Variants in PTPRR observed in about 807,000 individuals in gnomAD.
PTPRR encodes the protein receptor-type tyrosine-protein phosphatase R.
Under a neutral mutation model 77.2 loss-of-function variants are expected in PTPRR, and 38 were observed. The observed-to-expected ratio is 0.49, with a 90% CI of 0.38 to 0.65. The LOEUF is 0.65. PTPRR is among the 30% of genes least tolerant of loss of function. The pLI, the probability that PTPRR is intolerant of heterozygous loss-of-function variation, is 0.00. For synonymous variants in PTPRR, 299 were observed against 283.1 expected, an observed-to-expected ratio of 1.06 and a Z score of -0.57; for missense variants, 744 against 799.2, an observed-to-expected ratio of 0.93 and a Z score of 0.83.
intron 2 of PTPRR, among the ~76,000 whole-genome samples, chr12:70,768,269 A>T (rs1890877986): frequency 6.6e-6 from 1 of 152,224 alleles, no homozygotes; most frequent in Admixed American, 6.5e-5. Flanking sequence ...GACTGCTAGC[A>T]AGACTAATAA....
intron 2 of PTPRR, among the ~76,000 whole-genome samples, chr12:70,768,982 A>G (rs1051590096): frequency 6.6e-6 from 1 of 150,668 alleles, no homozygotes; most frequent in African/African-American, 2.5e-5. Flanking sequence ...AAAACTCTCA[A>G]TGAATTAGGT....
At chr12:70,711,391 A>C (rs532266471) in intron 6 of PTPRR, among the ~76,000 whole-genome samples, 1 of 152,164 alleles carries the variant, frequency 6.6e-6, no homozygotes, top group African/African-American at 2.4e-5. Context: ...AGCCTATTGG[A>C]GGGTAGAGAG....
intron 2 of PTPRR, among the ~76,000 whole-genome samples, chr12:70,828,205 T>C (rs1785285964): frequency 6.6e-6 from 1 of 152,212 alleles, no homozygotes; most frequent in Admixed American, 6.5e-5. Context: ...TTGTCCCCTT[T>C]AGTAGTTAAA....
chr12:70,680,442 T>C (rs55864119), intron 10 of PTPRR, among the ~76,000 whole-genome samples: 2,530 of 152,314 alleles, frequency 0.017, 70 homozygotes, highest in African/African-American at 0.057. Flanking sequence ...GTAGGGTACA[T>C]TGGCTTTTGC....
At chr12:70,720,066 GAA>G (rs1456091495) in intron 6 of PTPRR, among the ~76,000 whole-genome samples, 5 of 152,232 alleles carry the variant, frequency 3.3e-5, no homozygotes, top group African/African-American at 1.2e-4. Flanking sequence ...GTGTTAGGCT[GAA>G]GAGATTATTT....
At chr12:70,920,250 G>A in intron 1 of PTPRR, 83 bp downstream of exon 1, 1 of 1,448,238 alleles carries the variant, frequency 6.9e-7, no homozygotes, top group Non-Finnish European at 9.6e-7. Flanking sequence ...TTCTTCGCAA[G>A]GCAAGCTTTT....
chr12:70,765,360 C>T (rs1416987230), intron 2 of PTPRR, among the ~76,000 whole-genome samples: 1 of 152,206 alleles, frequency 6.6e-6, no homozygotes, highest in South Asian at 2.1e-4. Context: ...GAGATTATAT[C>T]CCTCACCTGG....
chr12:70,680,340 A>C (rs1887608824), intron 10 of PTPRR, among the ~76,000 whole-genome samples: 1 of 152,136 alleles, frequency 6.6e-6, no homozygotes, highest in Non-Finnish European at 1.5e-5. Context: ...ATATTTGTGC[A>C]TCTGATGGAA....
intron 1 of PTPRR, among the ~76,000 whole-genome samples, chr12:70,894,194 C>T (rs894945977): frequency 6.6e-6 from 1 of 151,780 alleles, no homozygotes; most frequent in Admixed American, 6.6e-5. Context: ...TCTCCAATCT[C>T]CTACTATTTT....
At chr12:70,709,076 T>C (rs1888725545) in intron 6 of PTPRR, among the ~76,000 whole-genome samples, 1 of 152,048 alleles carries the variant, frequency 6.6e-6, no homozygotes. Context: ...TAATCCTCAA[T>C]AAAATACTGG....
At position 70,794,591 on chromosome 12, in the gene PTPRR, C is replaced by T. The variant is rs536721375; in HGVS notation, c.358-29813G>A. 3.3e-5 allele frequency among the ~76,000 whole-genome samples: 5 copies of T among 152,294 alleles called. No individual in the cohort carries two copies. In the South Asian group the frequency reaches 1.0e-3, roughly 32 times the overall value. ...CAAATATATAACTAACGAACACACA[C>T]AAATGGAGGAAAAGACACGAGAGAA... is the stretch of plus-strand genomic sequence containing the variant. On this transcript the variant is annotated intron_variant, in intron 2 of 13. Coordinates refer to ENST00000283228, the MANE Select transcript of PTPRR (RefSeq NM_002849.4).
intron 2 of PTPRR, among the ~76,000 whole-genome samples, chr12:70,887,693 G>C (rs1244893207): frequency 1.3e-5 from 2 of 152,070 alleles, no homozygotes; most frequent in African/African-American, 4.8e-5. Flanking sequence ...ATTCAGGCAG[G>C]AATAGGCTCA....
At chr12:70,911,585 G>A (rs1236339902) in intron 1 of PTPRR, among the ~76,000 whole-genome samples, 1 of 151,780 alleles carries the variant, frequency 6.6e-6, no homozygotes, top group Non-Finnish European at 1.5e-5. Context: ...CTGAAGACAT[G>A]ATGCTAGAAT....
intron 2 of PTPRR, among the ~76,000 whole-genome samples, chr12:70,789,176 T>C (rs1891381685): frequency 6.6e-6 from 1 of 152,140 alleles, no homozygotes; most frequent in South Asian, 2.1e-4. Context: ...GGAATGTTTT[T>C]ATCTTCCTGA....
rs1446905894 is a variant in PTPRR, at chr12:70,745,653, G to A, written c.1007+165C>T. Among the ~76,000 whole-genome samples the A allele has an allele frequency of 5.9e-5, 9 of 152,178 alleles. No homozygotes were observed. In the South Asian group the frequency reaches 8.3e-4, roughly 14 times the overall value. ...TACCTAACAGATTTTATCTAACACA[G>A]TTGGATTCCTTTGGGAGACAAGAAA... On this transcript the variant is annotated intron_variant, in intron 6 of 13. Coordinates refer to ENST00000283228, the MANE Select transcript of PTPRR (RefSeq NM_002849.4).
chr12:70,725,216 T>C (rs981232552), intron 6 of PTPRR, among the ~76,000 whole-genome samples: 1 of 152,150 alleles, frequency 6.6e-6, no homozygotes, highest in African/African-American at 2.4e-5. Context: ...CACTGACTGA[T>C]TTTGTTATTT....
At chr12:70,846,761 T>C (rs1892491881) in intron 2 of PTPRR, among the ~76,000 whole-genome samples, 2 of 152,174 alleles carry the variant, frequency 1.3e-5, no homozygotes, top group African/African-American at 4.8e-5. Flanking sequence ...TCCTTGATCA[T>C]GAACTTCACA....
chr12:70,752,106 T>A lies in PTPRR; in HGVS notation c.738+2085A>T, dbSNP rs544182825. Among the ~76,000 whole-genome samples, 126 of 152,318 alleles carry A rather than the reference T, an allele frequency of 8.3e-4. 1 individual carries two copies. The highest frequency in any genetic ancestry group is 2.8e-3 in the African/African-American group (116 of 41,558). The stretch of plus-strand genomic sequence containing the variant: ...ATAGCATGTTCACCATTTGATTTTT[T>A]AAAATTAACTTAATTATTTTCTATG... On this transcript the variant is annotated intron_variant, in intron 5 of 13. Coordinates refer to ENST00000283228, the MANE Select transcript of PTPRR (RefSeq NM_002849.4).
At chr12:70,671,530 G>A (rs1887223548) in intron 10 of PTPRR, among the ~76,000 whole-genome samples, 1 of 152,050 alleles carries the variant, frequency 6.6e-6, no homozygotes, top group Non-Finnish European at 1.5e-5. Context: ...GAATTATGTG[G>A]TCAAAGAAAA....
Sources: gnomAD v4.1 joint callset for allele counts (sites outside exome capture counted in the v4.1 genomes callset) on GRCh38, gnomAD v4.1.1 for gene constraint, MANE v1.5 for transcripts, NCBI Gene and HGNC (gene_info 2026-07-23, HGNC 2026-07-21) for gene names.